Variants in SPOPL observed in about 807,000 individuals in gnomAD.
SPOPL encodes speckle type BTB/POZ protein like.
In SPOPL, 23 loss-of-function variants were observed where a neutral mutation model predicts 53.8. That is an observed-to-expected ratio of 0.43 (90% CI 0.31 to 0.61). The LOEUF (loss-of-function observed/expected upper bound fraction) is 0.61. SPOPL is among the 20% of genes least tolerant of loss of function. The pLI is 0.12. For missense variants in SPOPL, 442 were observed against 466.9 expected, an observed-to-expected ratio of 0.95 and a Z score of 0.49; for synonymous variants, 164 against 149.7, an observed-to-expected ratio of 1.10 and a Z score of -0.70.
At chr2:138,543,465 CTCACT>C (rs1258642018) in intron 1 of SPOPL, among the ~76,000 whole-genome samples, 2 of 152,186 alleles carry the variant, frequency 1.3e-5, no homozygotes, top group African/African-American at 4.8e-5. Flanking sequence ...AGCTTCTCTT[CTCACT>C]TCACTTCATT....
At chr2:138,519,743 G>C (rs1291095005) in intron 1 of SPOPL, among the ~76,000 whole-genome samples, 1 of 152,140 alleles carries the variant, frequency 6.6e-6, no homozygotes, top group Non-Finnish European at 1.5e-5. Flanking sequence ...AGTGAGCCAT[G>C]ATCATGCCAC....
At position 138,571,075 on chromosome 2, in the gene SPOPL, A is replaced by G. The variant is rs991603197; in HGVS notation, c.*1995A>G. The G allele has an allele frequency of 2.6e-5, 4 of 152,280 alleles. No homozygotes were observed. Among genetic ancestry groups the G allele is most frequent in the Non-Finnish European group, 5.9e-5 (4 of 68,004 alleles). 9.4% of individuals were successfully genotyped at this position (152,280 alleles called of 1,614,324 possible). A position where few individuals can be genotyped will look rare whatever the true frequency, so the allele number is the denominator to read the frequency against. ...AAATCCATCGTAAGATTGAGCCTCA[A>G]GTTTGCAATATACAATTTTAAAAAT... On this transcript the variant is annotated 3_prime_UTR_variant, in exon 11 of 11. Transcript: ENST00000280098.
At chr2:138,545,198 T>C (rs918869482) in intron 1 of SPOPL, among the ~76,000 whole-genome samples, 4 of 152,102 alleles carry the variant, frequency 2.6e-5, no homozygotes, top group African/African-American at 7.2e-5. Context: ...CATTACAATA[T>C]GTTTTAGAAT....
chr2:138,566,461 TAATA>T (rs1685662153), intron 10 of SPOPL, among the ~76,000 whole-genome samples: 1 of 152,200 alleles, frequency 6.6e-6, no homozygotes, highest in Admixed American at 6.5e-5. Context: ...AGATATTTAT[TAATA>T]AATGAAAAAG....
chr2:138,551,405 G>T (rs1458497364), intron 4 of SPOPL, among the ~76,000 whole-genome samples: 2 of 151,904 alleles, frequency 1.3e-5, no homozygotes, highest in Non-Finnish European at 2.9e-5. Context: ...TTTTTGCCAG[G>T]TAATAAAATC....
At position 138,560,905 on chromosome 2, in the gene SPOPL, A is replaced by T. The variant is rs1450279061; in HGVS notation, c.815A>T (p.Asn272Ile). The change falls in exon 8 of 11, where the codon AAC becomes ATC. Residue 272 changes from asparagine (N) to isoleucine (I), a missense_variant. Coordinates refer to ENST00000280098, the MANE Select transcript of SPOPL (RefSeq NM_001001664.3). ...CCAAACCTTGACAAAATGGCTGACA[A>T]CTTGTTGGCAGCTGCAGACAAAGTA... ...RAPNLDKMAD[N>I]LLAAADKYAL... The T allele has an allele frequency of 6.2e-7, 1 of 1,609,072 alleles. No homozygotes were observed. The highest frequency in any genetic ancestry group is 1.3e-5 in the African/African-American group (1 of 74,522).
chr2:138,515,669 T>G (rs913092339), intron 1 of SPOPL, among the ~76,000 whole-genome samples: 5 of 152,208 alleles, frequency 3.3e-5, no homozygotes, highest in Admixed American at 6.5e-5. Context: ...CATTGTAGAT[T>G]ATGTTAGAAT....
At chr2:138,516,147 CAAA>C (rs1684433032) in intron 1 of SPOPL, among the ~76,000 whole-genome samples, 1 of 152,092 alleles carries the variant, frequency 6.6e-6, no homozygotes. Flanking sequence ...TTCATCAGCT[CAAA>C]GAAGCAGATA....
chr2:138,542,416 C>T (rs1436913406), intron 1 of SPOPL, among the ~76,000 whole-genome samples: 3 of 152,152 alleles, frequency 2.0e-5, no homozygotes. Flanking sequence ...AATCTGGGTG[C>T]TCCTGTATTG....
intron 1 of SPOPL, among the ~76,000 whole-genome samples, chr2:138,537,505 C>T (rs1684963803): frequency 6.6e-6 from 1 of 152,220 alleles, no homozygotes; most frequent in South Asian, 2.1e-4. Context: ...CAGGGCGTGG[C>T]ATCGGGCTGT....
intron 5 of SPOPL, among the ~76,000 whole-genome samples, chr2:138,555,905 A>ATAAC: frequency 6.6e-6 from 1 of 152,194 alleles, no homozygotes; most frequent in East Asian, 1.9e-4. Context: ...TGAAAGAAGC[A>ATAAC]TAACTTTGAC....
At chr2:138,567,030 A>G (rs1417551764) in intron 10 of SPOPL, among the ~76,000 whole-genome samples, 2 of 152,304 alleles carry the variant, frequency 1.3e-5, no homozygotes, top group Non-Finnish European at 2.9e-5. Flanking sequence ...CATTTGACAG[A>G]TACTTATCCT....
chr2:138,540,961 G>A (rs1200867756), intron 1 of SPOPL, among the ~76,000 whole-genome samples: 1 of 152,158 alleles, frequency 6.6e-6, no homozygotes, highest in East Asian at 1.9e-4. Context: ...AAGGGTTGTT[G>A]AATTTTGTCA....
In SPOPL at chr2:138,567,441, C is replaced by T. The variant is rs1277926154; in HGVS notation, c.1035-1495C>T. Among the ~76,000 whole-genome samples, 14 of 103,850 alleles carry T rather than the reference C, an allele frequency of 1.3e-4. No individual in the cohort carries two copies. In the East Asian group the frequency reaches 2.8e-3, roughly 21 times the overall value. The allele number at this position is 103,850 out of a possible 152,430, so 68.1% of individuals were successfully genotyped here. ...TGTGTGTGTGTGTGTGTGTTGCGGG[C>T]GGGGAGGTAGTTAATGAGAAGAAGC... On this transcript the variant is annotated intron_variant, in intron 10 of 10. Transcript: ENST00000280098.
chr2:138,526,122 C>A lies in SPOPL; in HGVS notation c.-61+24003C>A, dbSNP rs189706955. On this transcript the variant is annotated intron_variant, in intron 1 of 10. Coordinates refer to ENST00000280098, the MANE Select transcript of SPOPL (RefSeq NM_001001664.3). ...TATTTGCATTTTGTTCTGACTATAA[C>A]TTTTTTTACTTTTTAAATCAATTCT... 2.0e-5 allele frequency among the ~76,000 whole-genome samples: 3 copies of A among 152,146 alleles called. No homozygotes were observed. The East Asian group carries it at 5.8e-4, about 29-fold the overall frequency.
At chr2:138,526,724 G>A (rs1684684191) in intron 1 of SPOPL, among the ~76,000 whole-genome samples, 1 of 136,150 alleles carries the variant, frequency 7.3e-6, no homozygotes, top group African/African-American at 2.6e-5. Flanking sequence ...AATAGAGTAT[G>A]GAATTTTTTT....
intron 1 of SPOPL, among the ~76,000 whole-genome samples, chr2:138,542,952 A>T (rs1685107359): frequency 6.6e-6 from 1 of 152,134 alleles, no homozygotes. Flanking sequence ...ATCTCTCAGC[A>T]TTTGCTTGTC....
At chr2:138,525,068 C>G (rs897074853) in intron 1 of SPOPL, among the ~76,000 whole-genome samples, 11 of 152,200 alleles carry the variant, frequency 7.2e-5, no homozygotes, top group Admixed American at 3.3e-4. Context: ...AATCCGTTTT[C>G]ATGCTGCTGA....
In SPOPL at chr2:138,538,272, C is replaced by T. The variant is rs561457196; in HGVS notation, c.-60-11885C>T. Reference sequence around the variant, plus strand: ...CTTCTATCTCTTTATTGATCTTCCTCGTTCTCTGCATCATTGAATGTTGGG... The same window carrying T: ...CTTCTATCTCTTTATTGATCTTCCTTGTTCTCTGCATCATTGAATGTTGGG... On this transcript the variant is annotated intron_variant, in intron 1 of 10. Coordinates refer to ENST00000280098, the MANE Select transcript of SPOPL (RefSeq NM_001001664.3). 2.1e-4 allele frequency among the ~76,000 whole-genome samples: 32 copies of T among 152,170 alleles called. No homozygotes were observed. In the South Asian group the frequency reaches 5.8e-3, roughly 28 times the overall value.
Sources: allele counts gnomAD v4.1 joint callset (sites outside exome capture counted in the v4.1 genomes callset), GRCh38; gene constraint gnomAD v4.1.1; transcripts MANE v1.5; gene names NCBI Gene and HGNC (gene_info 2026-07-23, HGNC 2026-07-21).